Variants in EYA2 observed in about 807,000 individuals in gnomAD.
The protein encoded by EYA2 is protein phosphatase EYA2.
EYA2 carries 31 observed loss-of-function variants against 69.2 expected under a neutral mutation model. The observed-to-expected ratio is 0.45, with a 90% CI of 0.34 to 0.60. EYA2 has a LOEUF of 0.60. Ranked by LOEUF, EYA2 falls within the 20% of genes least tolerant of loss-of-function variation. The pLI is 0.02. For missense variants in EYA2, 622 were observed against 701.2 expected, an observed-to-expected ratio of 0.89 and a Z score of 1.28; for synonymous variants, 257 against 279.4, an observed-to-expected ratio of 0.92 and a Z score of 0.80.
chr20:47,009,214 C>G (rs1011260138), intron 4 of EYA2, among the ~76,000 whole-genome samples: 9 of 152,210 alleles, frequency 5.9e-5, no homozygotes, highest in African/African-American at 2.2e-4. Context: ...TACACACACA[C>G]AGAATGTCCA....
chr20:46,897,426 G>A (rs1385732308), intron 1 of EYA2, among the ~76,000 whole-genome samples: 2 of 152,182 alleles, frequency 1.3e-5, no homozygotes, highest in Non-Finnish European at 2.9e-5. Context: ...TTCCCACAAA[G>A]AAGAAACCGT....
chr20:47,113,191 A>G (rs2032799045), intron 9 of EYA2, among the ~76,000 whole-genome samples: 1 of 152,132 alleles, frequency 6.6e-6, no homozygotes, highest in South Asian at 2.1e-4. Context: ...GTCCAAATGC[A>G]ACAAAGGCTA....
intron 8 of EYA2, among the ~76,000 whole-genome samples, chr20:47,089,936 C>A (rs546250584): frequency 6.6e-6 from 1 of 151,986 alleles, no homozygotes; most frequent in Non-Finnish European, 1.5e-5. Flanking sequence ...TAAACATTCT[C>A]GGTGGGGACT....
chr20:46,961,605 A>G (rs992108542), intron 1 of EYA2, among the ~76,000 whole-genome samples: 7 of 152,232 alleles, frequency 4.6e-5, no homozygotes, highest in Non-Finnish European at 1.5e-5. Context: ...TAGCCCAGAT[A>G]TGGAATCAAC....
chr20:47,078,679 GA>G (rs1346250536), intron 7 of EYA2, among the ~76,000 whole-genome samples: 1 of 152,190 alleles, frequency 6.6e-6, no homozygotes, highest in Non-Finnish European at 1.5e-5. Context: ...TTACTTAAGA[GA>G]AAAACCAAAT....
intron 5 of EYA2, among the ~76,000 whole-genome samples, chr20:47,043,647 A>G (rs938627262): frequency 6.6e-6 from 1 of 152,222 alleles, no homozygotes; most frequent in Non-Finnish European, 1.5e-5. Flanking sequence ...GTTCCACAGT[A>G]TCTTTGTCTA....
chr20:46,896,585 C>A (rs961564716), intron 1 of EYA2, among the ~76,000 whole-genome samples: 1 of 152,210 alleles, frequency 6.6e-6, no homozygotes, highest in Non-Finnish European at 1.5e-5. Flanking sequence ...TAGACACTCT[C>A]ACACTTGGGT....
chr20:47,115,509 TCA>T (rs1464646831), intron 9 of EYA2, among the ~76,000 whole-genome samples: 2 of 152,118 alleles, frequency 1.3e-5, no homozygotes, highest in Admixed American at 6.6e-5. Flanking sequence ...GTAAGTCAGG[TCA>T]CCCGTCTTAT....
chr20:47,175,355 CAG>C (rs2034406238), intron 12 of EYA2, among the ~76,000 whole-genome samples: 5 of 152,138 alleles, frequency 3.3e-5, no homozygotes, highest in Admixed American at 3.3e-4. Context: ...GGGTTGAAAT[CAG>C]GGGCCTTAGC....
intron 1 of EYA2, among the ~76,000 whole-genome samples, chr20:46,986,743 G>A (rs922444932): frequency 2.6e-5 from 4 of 152,052 alleles, no homozygotes; most frequent in East Asian, 1.9e-4. Context: ...AGAGATGCCC[G>A]ACTCTTTTAA....
intron 4 of EYA2, among the ~76,000 whole-genome samples, chr20:47,008,775 G>A (rs546656617): frequency 2.0e-4 from 31 of 152,280 alleles, no homozygotes; most frequent in African/African-American, 6.7e-4. Context: ...GACCCTGAGG[G>A]AGCAGCCTCC....
intron 10 of EYA2, among the ~76,000 whole-genome samples, chr20:47,166,752 C>T (rs1455365481): frequency 6.6e-6 from 1 of 152,104 alleles, no homozygotes; most frequent in African/African-American, 2.4e-5. Flanking sequence ...CGCTTCTCCT[C>T]ACCTCATCTG....
intron 1 of EYA2, among the ~76,000 whole-genome samples, chr20:46,962,783 G>A (rs910720480): frequency 3.3e-5 from 5 of 152,198 alleles, no homozygotes; most frequent in African/African-American, 1.2e-4. Flanking sequence ...CACTCTCAGG[G>A]CCTTGCCCAC....
intron 7 of EYA2, among the ~76,000 whole-genome samples, chr20:47,087,150 T>A (rs2031921060): frequency 6.6e-6 from 1 of 152,184 alleles, no homozygotes; most frequent in African/African-American, 2.4e-5. Context: ...TGTCTTGTCT[T>A]ATTATGTCCT....
chr20:46,939,218 C>G (rs1188195187), intron 1 of EYA2, among the ~76,000 whole-genome samples: 1 of 152,100 alleles, frequency 6.6e-6, no homozygotes, highest in Non-Finnish European at 1.5e-5. Flanking sequence ...CTGGGCCAAT[C>G]AGAATAATTC....
chr20:47,127,836 T>C lies in EYA2; in HGVS notation c.889-15223T>C, dbSNP rs377688574. 1.8e-4 allele frequency among the ~76,000 whole-genome samples: 27 copies of C among 152,352 alleles called. 1 individual carries two copies. In the East Asian group the frequency reaches 3.7e-3, roughly 21 times the overall value. The stretch of plus-strand genomic sequence containing the variant: ...GGGCCGTAGGCTTCGTGTTTCTATC[T>C]GGAAGGACTGACCGTGGCATCCCAC... On this transcript the variant is annotated intron_variant, in intron 9 of 15. Transcript: ENST00000327619.
intron 9 of EYA2, among the ~76,000 whole-genome samples, chr20:47,114,759 G>A (rs1012817590): frequency 6.6e-6 from 1 of 152,200 alleles, no homozygotes; most frequent in South Asian, 2.1e-4. Context: ...GATCATGGGT[G>A]CGGATCCCTC....
chr20:47,150,726 CA>C (rs1456438988), intron 10 of EYA2, among the ~76,000 whole-genome samples: 1 of 152,022 alleles, frequency 6.6e-6, no homozygotes, highest in Non-Finnish European at 1.5e-5. Context: ...CTTGGGCTCT[CA>C]AACTGCTGGG....
rs369162719 is a variant in EYA2, at chr20:47,093,370, CAG to C, written c.805-3714_805-3713del. The stretch of plus-strand genomic sequence containing the variant: ...TGGGTGGATGGGCAGAAAGAACACT[CAG>C]GGGGCCATAGGAGGTGAAATGTAGT... On this transcript the variant is annotated intron_variant, in intron 8 of 15. Coordinates refer to ENST00000327619, the MANE Select transcript of EYA2 (RefSeq NM_005244.5). Among the ~76,000 whole-genome samples the C allele has an allele frequency of 6.1e-3, 924 of 152,340 alleles. 13 individuals carry two copies. Among genetic ancestry groups the C allele is most frequent in the African/African-American group, 0.021 (876 of 41,586 alleles).
Sources: allele counts gnomAD v4.1 joint callset (sites outside exome capture counted in the v4.1 genomes callset), GRCh38; gene constraint gnomAD v4.1.1; transcripts MANE v1.5; gene names NCBI Gene and HGNC (gene_info 2026-07-23, HGNC 2026-07-21).